RBFOX1: variants seen among roughly 807,000 people sequenced by gnomAD.
The protein encoded by RBFOX1 is RNA binding fox-1 homolog 1.
In RBFOX1, 8 loss-of-function variants were observed where a neutral mutation model predicts 57.7. That is an observed-to-expected ratio of 0.14 (90% CI 0.08 to 0.25). The LOEUF is 0.25. Ranked by LOEUF, RBFOX1 falls within the 10% of genes least tolerant of loss-of-function variation. RBFOX1 has a pLI of 1.00. For synonymous variants in RBFOX1, 326 were observed against 222.4 expected (o/e 1.47, Z -4.15); for missense variants, 611 against 548.5 (o/e 1.11, Z -1.14).
intron 2 of RBFOX1, among the ~76,000 whole-genome samples, chr16:6,647,004 A>G (rs1377303553): frequency 6.6e-6 from 1 of 152,190 alleles, no homozygotes; most frequent in Non-Finnish European, 1.5e-5. Flanking sequence ...ACAAACTGCC[A>G]TAGACTGGAT....
intron 3 of RBFOX1, among the ~76,000 whole-genome samples, chr16:6,871,571 C>A (rs1175799577): frequency 6.6e-6 from 1 of 152,228 alleles, no homozygotes; most frequent in South Asian, 2.1e-4. Flanking sequence ...TAATTACTGA[C>A]TGAAACTTTT....
chr16:7,190,860 T>C (rs1211917889), intron 4 of RBFOX1, among the ~76,000 whole-genome samples: 1 of 152,214 alleles, frequency 6.6e-6, no homozygotes, highest in African/African-American at 2.4e-5. Context: ...TGAACAAGGA[T>C]TGACTATTCT....
At chr16:6,693,134 TCAC>T (rs1194954458) in intron 3 of RBFOX1, among the ~76,000 whole-genome samples, 2 of 149,506 alleles carry the variant, frequency 1.3e-5, no homozygotes, top group Admixed American at 1.3e-4. Flanking sequence ...ACCATCATCA[TCAC>T]CATCATCCTC....
intron 4 of RBFOX1, among the ~76,000 whole-genome samples, chr16:7,183,735 A>G (rs932678700): frequency 7.2e-5 from 11 of 152,206 alleles, no homozygotes; most frequent in Non-Finnish European, 4.4e-5. Context: ...TCTTAGGCTT[A>G]CTGTCAGAAC....
Position 6,863,725 on chromosome 16 carries a change from C to CTTTTTTTTTTTTTTTTTTTTTTTTTT in RBFOX1, c.-15-188330_-15-188305dup, listed in dbSNP as rs71408412. 2.1e-4 allele frequency among the ~76,000 whole-genome samples: 14 copies of CTTTTTTTTTTTTTTTTTTTTTTTTTT among 67,772 alleles called. 4 individuals are homozygous for CTTTTTTTTTTTTTTTTTTTTTTTTTT. The highest frequency in any genetic ancestry group is 6.7e-4 in the African/African-American group (9 of 13,382). 44.5% of individuals were successfully genotyped at this position (67,772 alleles called of 152,430 possible). A position where few individuals can be genotyped will look rare whatever the true frequency, so the allele number is the denominator to read the frequency against. On this transcript the variant is annotated intron_variant, in intron 3 of 15. Coordinates refer to ENST00000550418, the MANE Select transcript of RBFOX1 (RefSeq NM_018723.4). ...CGGAAGCACAAATTGGATGCCTGCG[C>CTTTTTTTTTTTTTTTTTTTTTTTTTT]TTTTTTTTTTTTTTTTTTTTTTTTT...
chr16:7,710,293 G>A, intron 15 of RBFOX1: 4 of 1,142,404 alleles, frequency 3.5e-6, no homozygotes, highest in Non-Finnish European at 4.3e-6. Context: ...TCAACAACTG[G>A]TCCAAATTCA....
intron 1 of RBFOX1, among the ~76,000 whole-genome samples, chr16:6,163,070 C>T (rs573540277): frequency 2.0e-5 from 3 of 152,152 alleles, no homozygotes; most frequent in South Asian, 4.2e-4. Context: ...TAACTCCAGA[C>T]AAAATGAGAC....
intron 3 of RBFOX1, among the ~76,000 whole-genome samples, chr16:6,757,967 G>A (rs1407967644): frequency 6.6e-6 from 1 of 152,070 alleles, no homozygotes. Flanking sequence ...ACAACATCCA[G>A]GTTTTGTTGG....
intron 1 of RBFOX1, among the ~76,000 whole-genome samples, chr16:5,399,937 A>T (rs1018369743): frequency 6.6e-6 from 1 of 152,032 alleles, no homozygotes; most frequent in Admixed American, 6.6e-5. Flanking sequence ...CGTGAACCCA[A>T]CAACCCAAGC....
intron 3 of RBFOX1, among the ~76,000 whole-genome samples, chr16:5,856,175 CTCTCTCTCTCTCTA>C (rs1327696627): frequency 6.9e-5 from 4 of 57,736 alleles, no homozygotes; most frequent in East Asian, 4.2e-4. Flanking sequence ...CTCTCTCTCT[CTCTCTCTCTCTCTA>C]TATATATATA....
chr16:6,701,861 A>C (rs2061904522), intron 3 of RBFOX1, among the ~76,000 whole-genome samples: 1 of 152,176 alleles, frequency 6.6e-6, no homozygotes, highest in African/African-American at 2.4e-5. Flanking sequence ...CAGAAAAGCA[A>C]ATACTGTGTT....
intron 2 of RBFOX1, among the ~76,000 whole-genome samples, chr16:6,361,628 T>TTAAAAAAAAAAAAAAAAAAAAAAAAAA (rs1371587081): frequency 2.3e-5 from 3 of 127,932 alleles, no homozygotes; most frequent in African/African-American, 8.7e-5. Context: ...ACTCTGTCTC[T>TTAAAAAAAAAAAAAAAAAAAAAAAAAA]AAAAAAAAAA....
chr16:5,444,604 C>T (rs1012599803), intron 1 of RBFOX1, among the ~76,000 whole-genome samples: 1 of 152,112 alleles, frequency 6.6e-6, no homozygotes, highest in Admixed American at 6.5e-5. Flanking sequence ...CCAGAAATTA[C>T]GGGATCTCAT....
intron 3 of RBFOX1, among the ~76,000 whole-genome samples, chr16:6,785,269 G>C (rs1440214725): frequency 6.6e-6 from 1 of 152,094 alleles, no homozygotes; most frequent in Non-Finnish European, 1.5e-5. Flanking sequence ...TGCAAAACAA[G>C]AATTATTCTA....
At chr16:5,757,580 G>C (rs9302807) in intron 3 of RBFOX1, among the ~76,000 whole-genome samples, 68,279 of 151,938 alleles carry the variant, frequency 0.45, 16,993 homozygotes, top group African/African-American at 0.66. Flanking sequence ...CATTTCAACT[G>C]ATAGGGTGTT....
In RBFOX1 at chr16:5,471,905, C is replaced by G. The variant is rs144866421; in HGVS notation, c.258+4651C>G. 1.0e-3 allele frequency among the ~76,000 whole-genome samples: 154 copies of G among 152,236 alleles called. 2 individuals carry two copies. In the Middle Eastern group the frequency reaches 0.02, roughly 20 times the overall value. ...TTTGGAAGCTGCCATGCCCTCAGCC[C>G]CGCTTCATGCAGCATGGGTGGAAAA... On this transcript the variant is annotated intron_variant, in intron 2 of 2. Coordinates refer to the RBFOX1 transcript ENST00000585867.
chr16:5,924,526 G>A (rs1035853989), intron 4 of RBFOX1, among the ~76,000 whole-genome samples: 1 of 151,986 alleles, frequency 6.6e-6, no homozygotes, highest in Non-Finnish European at 1.5e-5. Flanking sequence ...TCTCTCTCTT[G>A]CCTTCTCTCT....
chr16:6,932,378 A>T (rs1299781587), intron 3 of RBFOX1, among the ~76,000 whole-genome samples: 1 of 152,164 alleles, frequency 6.6e-6, no homozygotes, highest in Admixed American at 6.5e-5. Flanking sequence ...AAGTGCTGGG[A>T]TTACATGCAT....
intron 4 of RBFOX1, among the ~76,000 whole-genome samples, chr16:7,190,766 C>A (rs1193193296): frequency 6.6e-6 from 1 of 152,082 alleles, no homozygotes; most frequent in Non-Finnish European, 1.5e-5. Flanking sequence ...GTTTTTAATT[C>A]GGGTTTATGG....
Sources: gnomAD v4.1 joint callset for allele counts (sites outside exome capture counted in the v4.1 genomes callset) on GRCh38, gnomAD v4.1.1 for gene constraint, MANE v1.5 for transcripts, NCBI Gene and HGNC (gene_info 2026-07-23, HGNC 2026-07-21) for gene names.